The following FHIT variants were observed in gnomAD, a reference collection of about 807,000 sequenced individuals.
FHIT encodes fragile histidine triad diadenosine triphosphatase, also known as bis(5'-adenosyl)-triphosphatase.
FHIT carries 19 observed loss-of-function variants against 17.9 expected under a neutral mutation model. The observed-to-expected ratio is 1.06, with a 90% CI of 0.74 to 1.56. The LOEUF (loss-of-function observed/expected upper bound fraction) is 1.56. FHIT is among the 40% of genes most tolerant of loss of function. The pLI is 0.00. For missense variants in FHIT, 248 were observed against 189.2 expected (o/e 1.31, Z -1.82); for synonymous variants, 81 against 69.7 (o/e 1.16, Z -0.81).
intron 8 of FHIT, among the ~76,000 whole-genome samples, chr3:59,896,985 T>C (rs1175799032): frequency 6.6e-6 from 1 of 152,132 alleles, no homozygotes. Context: ...TCAAGCAAAG[T>C]CAGAGGCTGT....
At chr3:60,630,849 G>A (rs2039419371) in intron 4 of FHIT, among the ~76,000 whole-genome samples, 1 of 148,372 alleles carries the variant, frequency 6.7e-6, no homozygotes, top group African/African-American at 2.5e-5. Flanking sequence ...TTAAATCAAT[G>A]TCTTACCTGA....
At chr3:60,521,325 GCAAGCTC>G (rs1213376379) in intron 5 of FHIT, among the ~76,000 whole-genome samples, 1 of 152,026 alleles carries the variant, frequency 6.6e-6, no homozygotes, top group African/African-American at 2.4e-5. Context: ...TCGGCTCACT[GCAAGCTC>G]CGCCTCCCAG....
In FHIT at chr3:60,524,423, C is replaced by A. The variant is rs116018156; in HGVS notation, c.103+12437G>T. On this transcript the variant is annotated intron_variant, in intron 5 of 9. Transcript: ENST00000492590. The stretch of plus-strand genomic sequence containing the variant: ...GTACATCTGGGGAATTGGCATTCCA[C>A]GAAGAATAAACAGCTGCTGGTTCAA... Among the ~76,000 whole-genome samples the A allele has an allele frequency of 7.2e-3, 1,096 of 151,866 alleles. 9 individuals carry two copies. Among genetic ancestry groups the A allele is most frequent in the African/African-American group, 0.025 (1,016 of 41,396 alleles).
At chr3:61,087,706 CAT>C (rs1465109086) in intron 2 of FHIT, among the ~76,000 whole-genome samples, 3 of 152,050 alleles carry the variant, frequency 2.0e-5, no homozygotes, top group Admixed American at 6.6e-5. Context: ...TACACACACA[CAT>C]ACGCACAAAA....
At chr3:60,522,021 C>T (rs1299879642) in intron 5 of FHIT, among the ~76,000 whole-genome samples, 1 of 151,750 alleles carries the variant, frequency 6.6e-6, no homozygotes, top group South Asian at 2.1e-4. Context: ...ACCAGGGACC[C>T]TGTGTAGGTC....
At chr3:59,797,669 T>C (rs1035441363) in intron 8 of FHIT, among the ~76,000 whole-genome samples, 6 of 152,150 alleles carry the variant, frequency 3.9e-5, no homozygotes, top group African/African-American at 9.7e-5. Context: ...TGTCAAGGCA[T>C]TGAGACAGAT....
intron 3 of FHIT, among the ~76,000 whole-genome samples, chr3:61,034,707 G>C (rs747821528): frequency 6.6e-5 from 10 of 152,192 alleles, no homozygotes; most frequent in African/African-American, 2.4e-4. Flanking sequence ...CTTAGCCACT[G>C]TGGAAAATAG....
chr3:59,927,877 T>G (rs1705751600), intron 7 of FHIT, among the ~76,000 whole-genome samples: 1 of 152,232 alleles, frequency 6.6e-6, no homozygotes, highest in African/African-American at 2.4e-5. Context: ...TTAGAGGCTC[T>G]GCCTCTTCTG....
intron 4 of FHIT, among the ~76,000 whole-genome samples, chr3:60,762,009 G>C (rs1370493293): frequency 6.6e-6 from 1 of 152,028 alleles, no homozygotes; most frequent in East Asian, 1.9e-4. Context: ...ATTGATCCTG[G>C]GTTCAATTCA....
chr3:61,249,437 T>A (rs148450845), intron 1 of FHIT, among the ~76,000 whole-genome samples: 4 of 152,330 alleles, frequency 2.6e-5, no homozygotes, highest in African/African-American at 9.6e-5. Context: ...ATGTTTAGTA[T>A]CTAAGTACAG....
intron 7 of FHIT, among the ~76,000 whole-genome samples, chr3:59,960,132 G>C (rs898465504): frequency 2.6e-5 from 4 of 152,246 alleles, no homozygotes; most frequent in South Asian, 2.1e-4. Flanking sequence ...AAGACAGTGG[G>C]TGGAAGAAAG....
chr3:59,873,889 A>G (rs1359050030), intron 8 of FHIT, among the ~76,000 whole-genome samples: 3 of 152,206 alleles, frequency 2.0e-5, no homozygotes, highest in African/African-American at 7.2e-5. Flanking sequence ...CTCCCGAGAC[A>G]GCAACCTTGC....
chr3:61,235,857 A>C (rs1270352516), intron 1 of FHIT, among the ~76,000 whole-genome samples: 1 of 152,126 alleles, frequency 6.6e-6, no homozygotes. Context: ...TGTATTAGAG[A>C]ATGTAACTAC....
chr3:60,714,578 C>A (rs2041630570), intron 4 of FHIT, among the ~76,000 whole-genome samples: 1 of 152,172 alleles, frequency 6.6e-6, no homozygotes, highest in African/African-American at 2.4e-5. Flanking sequence ...TAAGCAACTT[C>A]AGCAAAGTCT....
In FHIT at chr3:60,130,114, G is replaced by A. The variant is rs376051772; in HGVS notation, c.104-115962C>T. 3.8e-4 allele frequency among the ~76,000 whole-genome samples: 58 copies of A among 152,138 alleles called. 1 individual carries two copies. Among genetic ancestry groups the A allele is most frequent in the Admixed American group, 1.2e-3 (18 of 15,258 alleles). On this transcript the variant is annotated intron_variant, in intron 5 of 9. Coordinates refer to ENST00000492590, the MANE Select transcript of FHIT (RefSeq NM_002012.4). ...TCTTTCCCATGGAATCAATTCTACC[G>A]GAAAAAAGTGAAAAGGAACCTTAGA...
intron 5 of FHIT, among the ~76,000 whole-genome samples, chr3:60,180,532 A>C (rs1438909923): frequency 1.3e-5 from 2 of 152,216 alleles, no homozygotes; most frequent in Non-Finnish European, 2.9e-5. Flanking sequence ...TCTAGTCTTC[A>C]AGAAATATCC....
intron 4 of FHIT, among the ~76,000 whole-genome samples, chr3:60,602,958 C>T (rs1421662694): frequency 6.6e-6 from 1 of 152,176 alleles, no homozygotes; most frequent in African/African-American, 2.4e-5. Context: ...ACTTCCCAGT[C>T]TCTATAACTG....
intron 4 of FHIT, among the ~76,000 whole-genome samples, chr3:60,737,970 A>G (rs2042166404): frequency 6.6e-6 from 1 of 152,148 alleles, no homozygotes; most frequent in African/African-American, 2.4e-5. Flanking sequence ...CGGCTAAAGG[A>G]GCATTTGCAT....
intron 5 of FHIT, among the ~76,000 whole-genome samples, chr3:60,515,266 T>C (rs1263019797): frequency 6.6e-6 from 1 of 152,060 alleles, no homozygotes; most frequent in Admixed American, 6.5e-5. Context: ...CAGAGCTCGG[T>C]TCAAGGCAGG....
Sources: allele counts gnomAD v4.1 joint callset (sites outside exome capture counted in the v4.1 genomes callset), GRCh38; gene constraint gnomAD v4.1.1; transcripts MANE v1.5; gene names NCBI Gene and HGNC (gene_info 2026-07-23, HGNC 2026-07-21).